The following GALNT14 variants were observed in gnomAD, a reference collection of about 807,000 sequenced individuals.
GALNT14 encodes UDP-GalNAc:polypeptide N-acetylgalactosaminyltransferase 14.
A neutral mutation model predicts 77.5 loss-of-function variants in GALNT14; 60 were observed. That is an observed-to-expected ratio of 0.77 (90% CI 0.63 to 0.96). The LOEUF (loss-of-function observed/expected upper bound fraction) is 0.96. GALNT14 is among the 40% of genes least tolerant of loss of function. The pLI, the probability that GALNT14 is intolerant of heterozygous loss-of-function variation, is 0.00. For missense variants in GALNT14, 710 were observed against 731.0 expected (o/e 0.97, Z 0.33); for synonymous variants, 280 against 281.7 (o/e 0.99, Z 0.06).
chr2:30,957,090 T>A (rs970994224), intron 4 of GALNT14, among the ~76,000 whole-genome samples: 2 of 152,096 alleles, frequency 1.3e-5, no homozygotes, highest in African/African-American at 4.8e-5. Flanking sequence ...GAACTCCATA[T>A]CTTGGCTCCA....
intron 9 of GALNT14, among the ~76,000 whole-genome samples, chr2:30,939,637 G>C (rs899989833): frequency 6.6e-6 from 1 of 152,138 alleles, no homozygotes; most frequent in Non-Finnish European, 1.5e-5. Context: ...GCTCAGATTC[G>C]ATAGTACAAT....
chr2:30,912,229 G>C lies in GALNT14; in HGVS notation c.1494C>G (p.Asp498Glu), dbSNP rs73921188. 5 of 1,614,094 alleles carry C rather than the reference G, an allele frequency of 3.1e-6. No homozygotes were observed. In the South Asian group the frequency reaches 4.4e-5, roughly 14 times the overall value. The stretch of plus-strand genomic sequence containing the variant: ...GGACCTGCTGAGCACTTACCTGTCG[G>C]TCATCTCCATTCTTGCAAAGGACAA... ...VVLVLCKNGDDRQQWTKTGSH... is the reference protein window; with the variant it reads ...VVLVLCKNGDERQQWTKTGSH... Residue 498 changes from aspartate (D) to glutamate (E), a missense_variant, in exon 14 of 15, where the codon GAC becomes GAG. Transcript: ENST00000349752.
chr2:31,081,414 C>A (rs1676149674), intron 1 of GALNT14, among the ~76,000 whole-genome samples: 1 of 152,174 alleles, frequency 6.6e-6, no homozygotes, highest in Admixed American at 6.5e-5. Context: ...GCTTACCTTT[C>A]TTTTCTAACA....
intron 1 of GALNT14, among the ~76,000 whole-genome samples, chr2:31,103,654 A>G (rs1677403794): frequency 6.6e-6 from 1 of 152,042 alleles, no homozygotes; most frequent in East Asian, 1.9e-4. Context: ...GTCAGCTCTC[A>G]ATTATACCTT....
intron 1 of GALNT14, among the ~76,000 whole-genome samples, chr2:31,072,261 T>TCACACA (rs1675430910): frequency 2.7e-5 from 2 of 74,930 alleles, no homozygotes; most frequent in Non-Finnish European, 5.9e-5. Context: ...TTTCTCTCTC[T>TCACACA]CTCACACACA....
intron 9 of GALNT14, among the ~76,000 whole-genome samples, chr2:30,939,661 C>T (rs1461168987): frequency 6.6e-6 from 1 of 152,084 alleles, no homozygotes; most frequent in Non-Finnish European, 1.5e-5. Flanking sequence ...GATGGAGGAC[C>T]ACTGAGGAGA....
chr2:30,954,702 G>A lies in GALNT14; in HGVS notation c.654+916C>T, dbSNP rs116770291. On this transcript the variant is annotated intron_variant, in intron 6 of 14. Transcript: ENST00000349752. ...TAACAATGTCATTATGCAGGTAGGA[G>A]TTTAGGAGCTACCATGAAGAGTGAG... is the stretch of plus-strand genomic sequence containing the variant. 4.9e-3 allele frequency among the ~76,000 whole-genome samples: 750 copies of A among 152,340 alleles called. 16 individuals are homozygous for A. The highest frequency in any genetic ancestry group is 3.9e-3 in the Non-Finnish European group (263 of 68,030).
intron 1 of GALNT14, among the ~76,000 whole-genome samples, chr2:31,052,696 G>T (rs745343906): frequency 2.0e-5 from 3 of 152,314 alleles, no homozygotes; most frequent in Admixed American, 2.0e-4. Context: ...AGCACCGGCG[G>T]CAGGCGCTTT....
At chr2:30,970,303 T>C (rs1017508177) in intron 2 of GALNT14, among the ~76,000 whole-genome samples, 2 of 152,304 alleles carry the variant, frequency 1.3e-5, no homozygotes, top group African/African-American at 4.8e-5. Context: ...TGCCTGCATT[T>C]GAGTCTGGAC....
At chr2:31,034,988 G>A (rs1034863487) in intron 1 of GALNT14, among the ~76,000 whole-genome samples, 7 of 152,074 alleles carry the variant, frequency 4.6e-5, no homozygotes, top group African/African-American at 1.7e-4. Context: ...CCTTTTAAAC[G>A]TATTCAGGTT....
At chr2:31,120,322 A>C (rs1678342874) in intron 1 of GALNT14, among the ~76,000 whole-genome samples, 1 of 152,230 alleles carries the variant, frequency 6.6e-6, no homozygotes, top group Non-Finnish European at 1.5e-5. Context: ...ACATGTTTAC[A>C]AACTGGTTAC....
At chr2:30,909,082 G>A (rs1393726684), downstream of GALNT14, among the ~76,000 whole-genome samples, 48 of 152,172 alleles carry the variant, frequency 3.2e-4, no homozygotes, top group Admixed American at 2.9e-3. Context: ...AGACTTAAAT[G>A]TTAGACCTAA....
chr2:31,134,381 G>A (rs771954438), intron 1 of GALNT14, among the ~76,000 whole-genome samples: 1 of 152,196 alleles, frequency 6.6e-6, no homozygotes, highest in Non-Finnish European at 1.5e-5. Context: ...GCTTCAGCAT[G>A]TCCAAGGCAA....
chr2:31,058,914 G>C (rs1486109757), intron 1 of GALNT14, among the ~76,000 whole-genome samples: 1 of 152,194 alleles, frequency 6.6e-6, no homozygotes, highest in Non-Finnish European at 1.5e-5. Flanking sequence ...AATAGAAGAT[G>C]TAAGATAGCA....
chr2:31,033,949 G>A (rs966208967), intron 1 of GALNT14, among the ~76,000 whole-genome samples: 5 of 152,144 alleles, frequency 3.3e-5, no homozygotes, highest in African/African-American at 1.2e-4. Flanking sequence ...TTCACAACTG[G>A]CCATTATGCC....
chr2:30,986,463 A>G (rs1341058753), intron 2 of GALNT14, among the ~76,000 whole-genome samples: 1 of 152,196 alleles, frequency 6.6e-6, no homozygotes, highest in Non-Finnish European at 1.5e-5. Context: ...GATAATGGCA[A>G]ATCCAGCTGT....
intron 1 of GALNT14, among the ~76,000 whole-genome samples, chr2:31,100,812 C>A (rs6760531): frequency 0.059 from 9,007 of 151,942 alleles, 390 homozygotes; most frequent in African/African-American, 0.12. Flanking sequence ...GCATTTAATC[C>A]ACCTCACCTA....
At chr2:31,114,460 G>A (rs904089328) in intron 1 of GALNT14, among the ~76,000 whole-genome samples, 8 of 152,220 alleles carry the variant, frequency 5.3e-5, no homozygotes, top group African/African-American at 1.9e-4. Context: ...AGACTTTCTG[G>A]GAATAAAAAT....
chr2:31,110,617 C>T (rs930513494), intron 1 of GALNT14, among the ~76,000 whole-genome samples: 1 of 152,118 alleles, frequency 6.6e-6, no homozygotes, highest in Non-Finnish European at 1.5e-5. Flanking sequence ...CCCAGGGAAA[C>T]AACCACAGGA....
Sources: gnomAD v4.1 joint callset for allele counts (sites outside exome capture counted in the v4.1 genomes callset) on GRCh38, gnomAD v4.1.1 for gene constraint, MANE v1.5 for transcripts, NCBI Gene and HGNC (gene_info 2026-07-23, HGNC 2026-07-21) for gene names.